Variants in GRK2 observed in about 807,000 individuals in gnomAD.
GRK2 encodes the protein adrenergic beta receptor kinase 1.
A neutral mutation model predicts 97.8 loss-of-function variants in GRK2; 23 were observed. That is an observed-to-expected ratio of 0.24 (90% CI 0.17 to 0.33). The LOEUF (loss-of-function observed/expected upper bound fraction) is 0.33. Ranked by LOEUF, GRK2 falls within the 10% of genes least tolerant of loss-of-function variation. GRK2 has a pLI of 1.00. For missense variants in GRK2, 633 were observed against 956.9 expected, an observed-to-expected ratio of 0.66 and a Z score of 4.47; for synonymous variants, 425 against 381.7, an observed-to-expected ratio of 1.11 and a Z score of -1.32.
intron 1 of GRK2, 196 bp from the exon 2 acceptor site, chr11:67,277,076 G>C: frequency 2.0e-6 from 1 of 502,796 alleles, no homozygotes; most frequent in Non-Finnish European, 3.5e-6. Flanking sequence ...CAGCCTGGCG[G>C]GGGCGGTGCA....
At position 67,271,923 on chromosome 11, in the gene GRK2, C is replaced by T. The variant is rs562856525; in HGVS notation, c.113+5111C>T. Reference sequence around the variant, plus strand: ...CCTGGAAATGCCACAGGGAGCACCTCGGCCACAGCCACAGGCCCTGCTGCA... The same window carrying T: ...CCTGGAAATGCCACAGGGAGCACCTTGGCCACAGCCACAGGCCCTGCTGCA... On this transcript the variant is annotated intron_variant, in intron 1 of 20. Transcript: ENST00000308595. Among the ~76,000 whole-genome samples the T allele has an allele frequency of 8.1e-4, 124 of 152,330 alleles. 1 individual carries two copies. Among genetic ancestry groups the T allele is most frequent in the Middle Eastern group, 6.8e-3 (2 of 294 alleles).
intron 2 of GRK2, among the ~76,000 whole-genome samples, chr11:67,278,819 G>C (rs1237738344): frequency 1.4e-5 from 2 of 147,062 alleles, no homozygotes; most frequent in Non-Finnish European, 2.9e-5. Context: ...CCGCCCCGGT[G>C]GGGGGTATCG....
At chr11:67,272,082 A>T (rs1859921694) in intron 1 of GRK2, among the ~76,000 whole-genome samples, 1 of 152,142 alleles carries the variant, frequency 6.6e-6, no homozygotes, top group Non-Finnish European at 1.5e-5. Flanking sequence ...CTGTCACATG[A>T]GGGGCACAGG....
intron 15 of GRK2, 75 bp downstream of exon 15, chr11:67,283,303 A>C (rs1382995183): frequency 1.5e-6 from 2 of 1,337,182 alleles, no homozygotes; most frequent in Non-Finnish European, 2.1e-6. Context: ...CGTCACCTGG[A>C]ACCCCCTCCA....
Position 67,281,326 on chromosome 11 carries a change from G to A in GRK2, c.648-133G>A. 14 of 1,087,164 alleles carry A rather than the reference G, an allele frequency of 1.3e-5. No homozygotes were observed. Among genetic ancestry groups the A allele is most frequent in the Non-Finnish European group, 1.9e-5 (14 of 735,188 alleles). 67.3% of individuals were successfully genotyped at this position (1,087,164 alleles called of 1,614,324 possible). ...GCTGTTACCCCCGCAGGCTCCTCTG[G>A]CCCCAGCCCTCCCTGTCTCTGATTT... On this transcript the variant is annotated intron_variant, in intron 8 of 20. Coordinates refer to ENST00000308595, the MANE Select transcript of GRK2 (RefSeq NM_001619.5). This position sits in a 1 kb window ranked among gnomAD's most constrained non-coding sequence, Gnocchi z 5.7.
In GRK2 at chr11:67,281,738, G is replaced by A. The variant is rs770069873; in HGVS notation, c.826+10G>A. 2.8e-5 allele frequency: 45 copies of A among 1,613,108 alleles called. No individual in the cohort carries two copies. The highest frequency in any genetic ancestry group is 1.6e-4 in the Middle Eastern group (1 of 6,082). ...CTGGACCTCATGAACGGTGAGTGCT[G>A]GCCGGGCCCTAGGGTGGGCCGGGCC... On this transcript the variant is annotated intron_variant, in intron 10 of 20. Transcript: ENST00000308595. This position sits in a 1 kb window ranked among gnomAD's most constrained non-coding sequence, Gnocchi z 5.7.
chr11:67,286,002 G>A lies in GRK2; in HGVS notation c.*552G>A, dbSNP rs1276649223. On this transcript the variant is annotated 3_prime_UTR_variant, in exon 21 of 21. Coordinates refer to ENST00000308595, the MANE Select transcript of GRK2 (RefSeq NM_001619.5). The stretch of plus-strand genomic sequence containing the variant: ...GCCCTTATTCAGGAAAAGCCTCTGT[G>A]TCACTGGCTGCCTCCACTCCCACTT... 1.1e-5 allele frequency: 3 copies of A among 268,998 alleles called. No individual in the cohort carries two copies. The Admixed American group carries it at 1.5e-4, about 14-fold the overall frequency. 16.7% of individuals were successfully genotyped at this position (268,998 alleles called of 1,614,324 possible). A position where few individuals can be genotyped will look rare whatever the true frequency, so the allele number is the denominator to read the frequency against.
At chr11:67,270,474 G>A (rs756421824) in intron 1 of GRK2, among the ~76,000 whole-genome samples, 1 of 151,802 alleles carries the variant, frequency 6.6e-6, no homozygotes, top group Non-Finnish European at 1.5e-5. Context: ...CCGCTGCCTC[G>A]TTCCTGTTAA....
chr11:67,283,826 A>T, intron 16 of GRK2, 28 bp from the exon 17 acceptor site: 1 of 1,612,560 alleles, frequency 6.2e-7, no homozygotes, highest in Non-Finnish European at 8.5e-7. Context: ...CCCCCGAGCT[A>T]ATGCCCATGA....
chr11:67,271,675 C>G (rs1350269789), intron 1 of GRK2, among the ~76,000 whole-genome samples: 1 of 152,246 alleles, frequency 6.6e-6, no homozygotes, highest in Non-Finnish European at 1.5e-5. Context: ...GTGGCCGACA[C>G]GACGTTCCGG....
Position 67,279,717 on chromosome 11 carries a change from C to T in GRK2, c.441+17C>T. The T allele has an allele frequency of 6.2e-7, 1 of 1,613,686 alleles. No homozygotes were observed. The highest frequency in any genetic ancestry group is 2.2e-5 in the East Asian group (1 of 44,890). ...CTCTTCCAGGTGTGTGCCTCCCGGT[C>T]CCTCCCCAGGCAAGGTCACCTTGGA... On this transcript the variant is annotated intron_variant, in intron 5 of 20. Coordinates refer to ENST00000308595, the MANE Select transcript of GRK2 (RefSeq NM_001619.5).
At chr11:67,277,455 T>A in intron 2 of GRK2, 107 bp downstream of exon 2, 1 of 1,018,370 alleles carries the variant, frequency 9.8e-7, no homozygotes, top group Non-Finnish European at 1.5e-6. Context: ...TCCCATCCAC[T>A]CAGGGTGGAG....
rs1424245758 is a variant in GRK2, at chr11:67,281,200, G to A, written c.647+16G>A. The stretch of plus-strand genomic sequence containing the variant: ...CAGGCAAGATGTGAGCACCCTGCTC[G>A]GCGCGGTGGGATACCTCGGGGAGCC... On this transcript the variant is annotated intron_variant, in intron 8 of 20. Coordinates refer to ENST00000308595, the MANE Select transcript of GRK2 (RefSeq NM_001619.5). The surrounding 1 kb of genome is among the most constrained non-coding windows in gnomAD (Gnocchi z 5.7). 7.5e-6 allele frequency: 12 copies of A among 1,603,516 alleles called. No individual in the cohort carries two copies. The highest frequency in any genetic ancestry group is 2.2e-5 in the East Asian group (1 of 44,762).
At chr11:67,266,924 T>C in intron 1 of GRK2, 112 bp downstream of exon 1, 1 of 373,920 alleles carries the variant, frequency 2.7e-6, no homozygotes, top group Non-Finnish European at 4.3e-6. Context: ...GGGCCGGCTC[T>C]CGCAACCCCC....
At position 67,285,685 on chromosome 11, in the gene GRK2, G is replaced by T. The variant is rs1348074884; in HGVS notation, c.*235G>T. 7 of 540,332 alleles carry T rather than the reference G, an allele frequency of 1.3e-5. No homozygotes were observed. Among genetic ancestry groups the T allele is most frequent in the Non-Finnish European group, 2.3e-5 (7 of 311,056 alleles). The allele number at this position is 540,332 out of a possible 1,614,324, so 33.5% of individuals were successfully genotyped here. ...GGCTGCCCGCTCCCAGTGTCTTCCT[G>T]TGGGGGAAGAGCACAGCCCTCCCGC... On this transcript the variant is annotated 3_prime_UTR_variant, in exon 21 of 21. Coordinates refer to ENST00000308595, the MANE Select transcript of GRK2 (RefSeq NM_001619.5).
At position 67,282,663 on chromosome 11, in the gene GRK2, C is replaced by G; in HGVS notation, c.1161-89C>G. ...CCTTGGTGGTAGGGTTGGCACCGTC[C>G]CTGACTTTGGCCACAGCTCATCCAT... On this transcript the variant is annotated intron_variant, in intron 13 of 20. Coordinates refer to ENST00000308595, the MANE Select transcript of GRK2 (RefSeq NM_001619.5). The surrounding 1 kb of genome is among the most constrained non-coding windows in gnomAD (Gnocchi z 6.9). 4 of 1,571,180 alleles carry G rather than the reference C, an allele frequency of 2.5e-6. No individual in the cohort carries two copies. Among genetic ancestry groups the G allele is most frequent in the Non-Finnish European group, 3.5e-6 (4 of 1,149,286 alleles).
Position 67,283,967 on chromosome 11 carries a change from G to GC in GRK2, c.1491+20dup. The GC allele has an allele frequency of 6.3e-7, 1 of 1,586,796 alleles. No homozygotes were observed. Among genetic ancestry groups the GC allele is most frequent in the East Asian group, 2.3e-5 (1 of 43,914 alleles). On this transcript the variant is annotated intron_variant, in intron 17 of 20. Transcript: ENST00000308595. ...GAATCAAGGTACTGGGCCTTGCCTG[G>GC]CCTCTTGTACCTAGGCTGTGATCCT...
Position 67,283,647 on chromosome 11 carries a change from A to G in GRK2, c.1329-60A>G. 2.6e-6 allele frequency: 4 copies of G among 1,551,022 alleles called. No individual in the cohort carries two copies. The South Asian group carries it at 4.5e-5, about 17-fold the overall frequency. On this transcript the variant is annotated intron_variant, in intron 15 of 20. Coordinates refer to ENST00000308595, the MANE Select transcript of GRK2 (RefSeq NM_001619.5). The stretch of plus-strand genomic sequence containing the variant: ...CACAGAGCCAGAAAGTGGCTCAATC[A>G]GGAGTTAAGCCCGGGACTCAGGGTG...
rs1219697533 is a variant in GRK2, at chr11:67,285,508, T to C, written c.*58T>C. Reference sequence around the variant, plus strand: ...TATTTTGTCGAATTTTTATTATTTGTTTTCCCGCCAAGCGGAAAAGGTTTT... The same window carrying C: ...TATTTTGTCGAATTTTTATTATTTGCTTTCCCGCCAAGCGGAAAAGGTTTT... On this transcript the variant is annotated 3_prime_UTR_variant, in exon 21 of 21. Transcript: ENST00000308595. 1 of 1,469,216 alleles carries C rather than the reference T, an allele frequency of 6.8e-7. No homozygotes were observed. The highest frequency in any genetic ancestry group is 2.4e-5 in the East Asian group (1 of 41,390). 91.0% of individuals were successfully genotyped at this position (1,469,216 alleles called of 1,614,324 possible).
Sources: allele counts gnomAD v4.1 joint callset (sites outside exome capture counted in the v4.1 genomes callset), GRCh38; gene constraint gnomAD v4.1.1; non-coding constraint Gnocchi (gnomAD v3.1); transcripts MANE v1.5; gene names NCBI Gene and HGNC (gene_info 2026-07-23, HGNC 2026-07-21).